The following ANKRD36 variants were observed in gnomAD, a reference collection of about 807,000 sequenced individuals.
The protein encoded by ANKRD36 is ankyrin repeat domain 36, also known as ankyrin repeat domain-containing protein 36A.
Under a neutral mutation model 278.1 loss-of-function variants are expected in ANKRD36, and 179 were observed. The observed-to-expected ratio is 0.64, with a 90% CI of 0.57 to 0.73. The LOEUF is 0.73. Among genes scored for constraint, ANKRD36 ranks in the 30% least tolerant of loss-of-function variants. The pLI, the probability that ANKRD36 is intolerant of heterozygous loss-of-function variation, is 0.00. For synonymous variants in ANKRD36, 320 were observed against 641.1 expected, an observed-to-expected ratio of 0.50 and a Z score of 7.57; for missense variants, 1,159 against 1,956.7, an observed-to-expected ratio of 0.59 and a Z score of 7.69.
At position 97,200,319 on chromosome 2, in the gene ANKRD36, C is replaced by A; in HGVS notation, c.2756-15C>A. On this transcript the variant is annotated splice_polypyrimidine_tract_variant and intron_variant, in intron 44 of 75. Transcript: ENST00000420699. ...GTTTACATGTGAGTGATTATGTATC[C>A]CTTTTGCTTTTCAGTGTCTTCTCGG... 6.2e-7 allele frequency: 1 copy of A among 1,607,362 alleles called. No homozygotes were observed. The highest frequency in any genetic ancestry group is 8.5e-7 in the Non-Finnish European group (1 of 1,178,598).
In ANKRD36 at chr2:97,118,359, C is replaced by A; in HGVS notation, c.328C>A (p.Gln110Lys). 6.2e-7 allele frequency: 1 copy of A among 1,610,182 alleles called. No individual in the cohort carries two copies. Among genetic ancestry groups the A allele is most frequent in the Middle Eastern group, 1.7e-4 (1 of 5,850 alleles). Reference sequence around the variant, plus strand: ...ATACTGACAGGCTGTACAACTGAGGCAGGAGGCTTGTGCAACTCTTCTGCT... The same window carrying A: ...ATACTGACAGGCTGTACAACTGAGGAAGGAGGCTTGTGCAACTCTTCTGCT... Reference protein sequence around the residue: ...TPLIKAVQLRQEACATLLLQN... With the variant: ...TPLIKAVQLRKEACATLLLQN... The change falls in exon 3 of 76, where the codon CAG becomes AAG. Residue 110 changes from glutamine (Q) to lysine (K), a missense_variant. Transcript: ENST00000420699.
At chr2:97,167,627 T>C (rs2051140790) in intron 21 of ANKRD36, 22 bp downstream of exon 21, 1 of 1,535,992 alleles carries the variant, frequency 6.5e-7, no homozygotes, top group Non-Finnish European at 8.7e-7. Flanking sequence ...TATTTTCATT[T>C]TTAATTAACA....
chr2:97,129,612 G>A (rs1345442636), intron 6 of ANKRD36, among the ~76,000 whole-genome samples: 3 of 151,928 alleles, frequency 2.0e-5, no homozygotes, highest in East Asian at 1.9e-4. Context: ...TAGGTCTAAC[G>A]TTTAAGTCTT....
chr2:97,140,355 G>A (rs1369230918), intron 6 of ANKRD36, among the ~76,000 whole-genome samples: 2 of 151,824 alleles, frequency 1.3e-5, no homozygotes, highest in African/African-American at 4.8e-5. Context: ...TTCTCTGGAA[G>A]GCATAGACAT....
intron 66 of ANKRD36, among the ~76,000 whole-genome samples, chr2:97,220,775 A>ATTTT (rs58512786): frequency 1.6e-3 from 100 of 62,628 alleles, no homozygotes; most frequent in African/African-American, 5.2e-3. Context: ...TTTTTTTTTA[A>ATTTT]TTTTTTTTTT....
chr2:97,130,727 A>G (rs1352226694), intron 6 of ANKRD36, among the ~76,000 whole-genome samples: 1 of 152,054 alleles, frequency 6.6e-6, no homozygotes, highest in African/African-American at 2.4e-5. Flanking sequence ...TTTTAGTGCA[A>G]TTCCCTTTTC....
intron 56 of ANKRD36, among the ~76,000 whole-genome samples, chr2:97,211,016 A>T (rs1261271545): frequency 6.6e-6 from 1 of 151,914 alleles, no homozygotes; most frequent in African/African-American, 2.4e-5. Context: ...CAGATATCCA[A>T]GGTGATCAAT....
At chr2:97,187,494 G>GGGGGGGTC in intron 32 of ANKRD36, 93 bp downstream of exon 32, 10 of 95,518 alleles carry the variant, frequency 1.0e-4, no homozygotes, top group Non-Finnish European at 2.1e-4. Flanking sequence ...GGGTGGGGGG[G>GGGGGGGTC]CTCGCCGAAG....
intron 70 of ANKRD36, 62 bp downstream of exon 70, chr2:97,244,091 C>A (rs151198768): frequency 0.024 from 36,761 of 1,540,710 alleles, 1,326 homozygotes; most frequent in Middle Eastern, 0.028. Context: ...TATACCATCT[C>A]TTTCATTTAA....
chr2:97,228,041 T>C (rs2070505113), intron 67 of ANKRD36, among the ~76,000 whole-genome samples: 1 of 152,126 alleles, frequency 6.6e-6, no homozygotes, highest in African/African-American at 2.4e-5. Flanking sequence ...GGTTTGCCCA[T>C]ATTTTATCGA....
intron 1 of ANKRD36, 90 bp downstream of exon 1, chr2:97,114,026 G>A (rs2034385733): frequency 6.5e-7 from 1 of 1,533,872 alleles, no homozygotes; most frequent in Admixed American, 2.1e-5. Context: ...GGGGCGGATG[G>A]TCCGGGGCTC....
intron 22 of ANKRD36, among the ~76,000 whole-genome samples, chr2:97,174,733 G>A (rs1433652893): frequency 1.3e-5 from 2 of 151,766 alleles, no homozygotes; most frequent in Non-Finnish European, 2.9e-5. Context: ...TCCAGTTTTT[G>A]CCCATTCAGT....
intron 75 of ANKRD36, among the ~76,000 whole-genome samples, chr2:97,262,997 C>T (rs879672810): frequency 1.3e-3 from 183 of 143,626 alleles, no homozygotes; most frequent in Middle Eastern, 3.6e-3. Context: ...TGTGTTTTTC[C>T]GTGTTGCTCT....
chr2:97,164,865 C>T (rs2153502273), intron 20 of ANKRD36, among the ~76,000 whole-genome samples: 1 of 152,120 alleles, frequency 6.6e-6, no homozygotes, highest in East Asian at 1.9e-4. Context: ...AACTTCAACG[C>T]CTTTATTTCA....
chr2:97,133,855 C>T (rs1559264007), intron 6 of ANKRD36, among the ~76,000 whole-genome samples: 1 of 151,124 alleles, frequency 6.6e-6, no homozygotes, highest in Non-Finnish European at 1.5e-5. Flanking sequence ...TGCATAGCTC[C>T]CCCCATTTTC....
intron 24 of ANKRD36, 117 bp from the exon 25 acceptor site, chr2:97,181,481 T>C: frequency 7.2e-7 from 1 of 1,381,872 alleles, no homozygotes; most frequent in Non-Finnish European, 9.6e-7. Context: ...GTAGAAAACA[T>C]CAAAGCCTAC....
Position 97,204,038 on chromosome 2 carries a change from G to C in ANKRD36, c.2960-30G>C, listed in dbSNP as rs781088232. 16 of 1,559,124 alleles carry C rather than the reference G, an allele frequency of 1.0e-5. No individual in the cohort carries two copies. The African/African-American group carries it at 1.9e-4, about 19-fold the overall frequency. ...GGATAATTTTGTCATTTTTACATAT[G>C]AGTGATTAGGAATCCCTTTTACTTT... On this transcript the variant is annotated intron_variant, in intron 48 of 75. Coordinates refer to ENST00000420699, the MANE Select transcript of ANKRD36 (RefSeq NM_001354587.1).
chr2:97,209,644 T>C, intron 54 of ANKRD36, 37 bp from the exon 55 acceptor site: 1 of 1,582,188 alleles, frequency 6.3e-7, no homozygotes, highest in Non-Finnish European at 8.6e-7. Flanking sequence ...TTATCATATT[T>C]ACATGTGAGT....
intron 44 of ANKRD36, 43 bp from the exon 45 acceptor site, chr2:97,200,291 C>T: frequency 6.2e-7 from 1 of 1,606,698 alleles, no homozygotes; most frequent in Middle Eastern, 2.3e-4. Context: ...ATAATTTTAT[C>T]ATGTTTACAT....
Sources: gnomAD v4.1 joint callset for allele counts (sites outside exome capture counted in the v4.1 genomes callset) on GRCh38, gnomAD v4.1.1 for gene constraint, MANE v1.5 for transcripts, NCBI Gene and HGNC (gene_info 2026-07-23, HGNC 2026-07-21) for gene names.